RAI14: variants seen among roughly 807,000 people sequenced by gnomAD.
RAI14 encodes the protein retinoic acid induced 14.
Under a neutral mutation model 115.4 loss-of-function variants are expected in RAI14, and 45 were observed. The observed-to-expected ratio is 0.39, with a 90% CI of 0.31 to 0.50. RAI14 has a LOEUF of 0.50. RAI14 is among the 20% of genes least tolerant of loss of function. The pLI is 0.85. For synonymous variants in RAI14, 371 were observed against 415.4 expected, an observed-to-expected ratio of 0.89 and a Z score of 1.30; for missense variants, 939 against 1,131.2, an observed-to-expected ratio of 0.83 and a Z score of 2.44.
At chr5:34,716,104 A>T (rs1200423357) in intron 2 of RAI14, 1 of 438,466 alleles carries the variant, frequency 2.3e-6, no homozygotes, top group Non-Finnish European at 4.5e-6. Context: ...CTGATAACAT[A>T]CATCTGCAGT....
chr5:34,750,422 G>A (rs1003641939), intron 2 of RAI14, among the ~76,000 whole-genome samples: 8 of 152,064 alleles, frequency 5.3e-5, no homozygotes, highest in Admixed American at 2.0e-4. Context: ...TCTCCAGGGG[G>A]TCCATGAGGC....
At chr5:34,799,797 G>C (rs977506035) in intron 4 of RAI14, among the ~76,000 whole-genome samples, 19 of 146,266 alleles carry the variant, frequency 1.3e-4, no homozygotes, top group Non-Finnish European at 1.8e-4. Context: ...ACGCCATTCT[G>C]CTGCCTCAGC....
At chr5:34,755,803 G>A (rs955902368) in intron 2 of RAI14, among the ~76,000 whole-genome samples, 1 of 152,192 alleles carries the variant, frequency 6.6e-6, no homozygotes, top group African/African-American at 2.4e-5. Context: ...CCCTAGCAGA[G>A]TTTGGGGAAT....
intron 4 of RAI14, among the ~76,000 whole-genome samples, chr5:34,798,996 T>C (rs1476635389): frequency 1.3e-5 from 2 of 152,200 alleles, no homozygotes; most frequent in African/African-American, 4.8e-5. Context: ...TATTTTGGCC[T>C]GAAGGAGGTA....
At chr5:34,703,193 GAA>G (rs1561256146) in intron 2 of RAI14, among the ~76,000 whole-genome samples, 1 of 152,048 alleles carries the variant, frequency 6.6e-6, no homozygotes, top group Non-Finnish European at 1.5e-5. Context: ...TAAGTGGAGA[GAA>G]ATTCAAGTTA....
At chr5:34,668,939 C>G (rs1178026853) in intron 1 of RAI14, among the ~76,000 whole-genome samples, 4 of 152,160 alleles carry the variant, frequency 2.6e-5, no homozygotes, top group African/African-American at 9.7e-5. Flanking sequence ...TCACTGCAAC[C>G]TCTGCCTCTC....
chr5:34,737,120 A>G (rs1457774128), intron 2 of RAI14, among the ~76,000 whole-genome samples: 4 of 152,118 alleles, frequency 2.6e-5, no homozygotes, highest in Non-Finnish European at 5.9e-5. Flanking sequence ...TTTTCTCCCA[A>G]AACCATCTCC....
In RAI14 at chr5:34,824,249, T is replaced by A; in HGVS notation, c.2407T>A (p.Leu803Met). 1 of 1,614,152 alleles carries A rather than the reference T, an allele frequency of 6.2e-7. No homozygotes were observed. Among genetic ancestry groups the A allele is most frequent in the Non-Finnish European group, 8.5e-7 (1 of 1,180,010 alleles). ...ATCCTTAGAGAGTGAAGTGAGTGTG[T>A]TGGCATCGAAATTAAAGGAATCTGT... is the stretch of plus-strand genomic sequence containing the variant. Reference protein sequence around the residue: ...QSSLESEVSVLASKLKESVKE... With the variant: ...QSSLESEVSVMASKLKESVKE... The change falls in exon 15 of 18, where the codon TTG (leucine) becomes ATG (methionine). Residue 803 changes from leucine (L) to methionine (M), a missense_variant. Coordinates refer to ENST00000265109, the MANE Select transcript of RAI14 (RefSeq NM_015577.3).
At chr5:34,810,578 A>C (rs761109086) in intron 7 of RAI14, among the ~76,000 whole-genome samples, 1 of 152,198 alleles carries the variant, frequency 6.6e-6, no homozygotes, top group Non-Finnish European at 1.5e-5. Flanking sequence ...GAATGGCAGG[A>C]TATATAATGA....
rs867794300 is a variant in RAI14, at chr5:34,752,701, A to G, written c.37-4767A>G. Among the ~76,000 whole-genome samples, 19 of 90,270 alleles carry G rather than the reference A, an allele frequency of 2.1e-4. 2 individuals are homozygous for G. Among genetic ancestry groups the G allele is most frequent in the East Asian group, 2.8e-4 (1 of 3,566 alleles). 59.2% of individuals were successfully genotyped at this position (90,270 alleles called of 152,430 possible). A position where few individuals can be genotyped will look rare whatever the true frequency, so the allele number is the denominator to read the frequency against. ...TAAGAAATATCTATATTTCTTACAT[A>G]TATGTGTGTGTGTGTGTGTGTGTGT... is the stretch of plus-strand genomic sequence containing the variant. On this transcript the variant is annotated intron_variant, in intron 2 of 17. Coordinates refer to ENST00000265109, the MANE Select transcript of RAI14 (RefSeq NM_015577.3).
chr5:34,709,205 T>A (rs910681422), intron 2 of RAI14, among the ~76,000 whole-genome samples: 1 of 151,614 alleles, frequency 6.6e-6, no homozygotes, highest in African/African-American at 2.4e-5. Flanking sequence ...CCCAGCAATT[T>A]GGGAGGCCAA....
At chr5:34,681,945 T>C (rs1744418927) in intron 1 of RAI14, among the ~76,000 whole-genome samples, 1 of 149,344 alleles carries the variant, frequency 6.7e-6, no homozygotes, top group Non-Finnish European at 1.5e-5. Flanking sequence ...AACCTCTGCC[T>C]CCTGGGCCCA....
At chr5:34,695,385 G>A (rs1321402889) in intron 2 of RAI14, among the ~76,000 whole-genome samples, 5 of 152,134 alleles carry the variant, frequency 3.3e-5, no homozygotes, top group African/African-American at 1.2e-4. Context: ...GAGCCAGTGG[G>A]GCAGCTCTGC....
rs1758060539 is a variant in RAI14, at chr5:34,832,150, A to C, written c.*1385A>C. 6.6e-6 allele frequency: 1 copy of C among 152,552 alleles called. No homozygotes were observed. The highest frequency in any genetic ancestry group is 1.5e-5 in the Non-Finnish European group (1 of 68,050). The allele number at this position is 152,552 out of a possible 1,614,324, so 9.4% of individuals were successfully genotyped here. A position where few individuals can be genotyped will look rare whatever the true frequency, so the allele number is the denominator to read the frequency against. On this transcript the variant is annotated 3_prime_UTR_variant, in exon 18 of 18. Transcript: ENST00000265109. Reference sequence around the variant, plus strand: ...CTGGACTCTCCAAAGTATTTAACTGAAAGTAGGGCCTGCTCTGACAGGGCC... The same window carrying C: ...CTGGACTCTCCAAAGTATTTAACTGCAAGTAGGGCCTGCTCTGACAGGGCC...
At chr5:34,811,967 A>G (rs1755653043) in intron 9 of RAI14, 22 bp downstream of exon 9, 1 of 1,582,726 alleles carries the variant, frequency 6.3e-7, no homozygotes, top group South Asian at 1.1e-5. Flanking sequence ...AAAATAGCCA[A>G]TGTTGTTTTA....
chr5:34,684,225 C>G (rs971354285), intron 1 of RAI14, among the ~76,000 whole-genome samples: 4 of 152,152 alleles, frequency 2.6e-5, no homozygotes, highest in African/African-American at 9.7e-5. Context: ...TGTTCCTGTT[C>G]CGCCTACATC....
intron 5 of RAI14, among the ~76,000 whole-genome samples, chr5:34,804,229 T>C (rs148208816): frequency 2.0e-4 from 31 of 152,344 alleles, no homozygotes; most frequent in African/African-American, 7.2e-4. Context: ...TGTAACTTGA[T>C]GAGCTTCAGT....
rs1315926531 is a variant in RAI14 at position 34,803,760 on chromosome 5, T to A, written c.305T>A (p.Ile102Asn). 6.2e-7 allele frequency: 1 copy of A among 1,612,536 alleles called. No individual in the cohort carries two copies. Among genetic ancestry groups the A allele is most frequent in the South Asian group, 1.1e-5 (1 of 90,614 alleles). The change falls in exon 5 of 18, where the codon ATC becomes AAC. Residue 102 changes from isoleucine to asparagine, a missense_variant. Transcript: ENST00000265109. ...LAAKNSHHEC[I>N]RKLLQSKCPA... is the part of the protein sequence containing the mutation. ...GCCAAGAACAGCCACCATGAATGCA[T>A]CAGGAAGCTGCTTCAGGTAAGCTGG... is the stretch of plus-strand genomic sequence containing the variant.
At chr5:34,710,097 T>C (rs1406645976) in intron 2 of RAI14, among the ~76,000 whole-genome samples, 1 of 152,208 alleles carries the variant, frequency 6.6e-6, no homozygotes, top group Non-Finnish European at 1.5e-5. Context: ...CACTAACCAA[T>C]TGTATTCATT....
Sources: gnomAD v4.1 joint callset for allele counts (sites outside exome capture counted in the v4.1 genomes callset) on GRCh38, gnomAD v4.1.1 for gene constraint, MANE v1.5 for transcripts, NCBI Gene and HGNC (gene_info 2026-07-23, HGNC 2026-07-21) for gene names.